The following PARD3B variants were observed in gnomAD, a reference collection of about 807,000 sequenced individuals.
PARD3B encodes par-3 family cell polarity regulator beta.
PARD3B carries 103 observed loss-of-function variants against 130.2 expected under a neutral mutation model. The observed-to-expected ratio is 0.79, with a 90% CI of 0.67 to 0.93. The LOEUF (loss-of-function observed/expected upper bound fraction) is 0.93. Among genes scored for constraint, PARD3B ranks in the 40% least tolerant of loss-of-function variants. The probability of loss-of-function intolerance (pLI) is 0.00; values close to 1 mark genes in which losing one functional copy is unlikely to be tolerated. For synonymous variants in PARD3B, 583 were observed against 553.2 expected (o/e 1.05, Z -0.76); for missense variants, 1,609 against 1,499.2 (o/e 1.07, Z -1.21).
At chr2:204,727,630 C>T (rs187382535) in intron 2 of PARD3B, among the ~76,000 whole-genome samples, 25 of 152,130 alleles carry the variant, frequency 1.6e-4, no homozygotes, top group Non-Finnish European at 2.6e-4. Context: ...ACAGGCACTC[C>T]GAGGGAGAGG....
rs2125227208 is a variant in PARD3B at position 204,678,687 on chromosome 2, GC to G, written c.121-7492del. On this transcript the variant is annotated intron_variant, in intron 1 of 22. Coordinates refer to ENST00000406610, the MANE Select transcript of PARD3B (RefSeq NM_001302769.2). This position sits in a 1 kb window ranked among gnomAD's most constrained non-coding sequence, Gnocchi z 4.2. ...CAGTTGCTTCTCCTCTCGATGTTCA[GC>G]CGCTTGTCTCTCTGCCAGCTGAGCT... 6.6e-6 allele frequency among the ~76,000 whole-genome samples: 1 copy of G among 152,174 alleles called. No individual in the cohort carries two copies. The highest frequency in any genetic ancestry group is 2.1e-4 in the South Asian group (1 of 4,798).
intron 3 of PARD3B, among the ~76,000 whole-genome samples, chr2:204,987,329 A>C (rs1386243001): frequency 1.3e-5 from 2 of 152,232 alleles, no homozygotes; most frequent in Non-Finnish European, 2.9e-5. Context: ...ATTTTGGAAG[A>C]TATTTTATCT....
chr2:205,447,267 C>T (rs2047937044), intron 20 of PARD3B, among the ~76,000 whole-genome samples: 1 of 151,268 alleles, frequency 6.6e-6, no homozygotes, highest in Admixed American at 6.5e-5. Context: ...CAGCTTCAGG[C>T]TTCAGGGTGG....
intron 10 of PARD3B, among the ~76,000 whole-genome samples, chr2:205,129,307 G>A (rs1270113219): frequency 6.6e-6 from 1 of 152,194 alleles, no homozygotes; most frequent in Non-Finnish European, 1.5e-5. Context: ...AATGCCAAGA[G>A]GCAAGAACCT....
chr2:204,549,954 G>T (rs1222615162), intron 1 of PARD3B, among the ~76,000 whole-genome samples: 1 of 151,756 alleles, frequency 6.6e-6, no homozygotes. Context: ...TAAAAGCATG[G>T]AATTTGTTAG....
At chr2:205,267,444 G>C (rs967022180) in intron 16 of PARD3B, among the ~76,000 whole-genome samples, 1 of 152,156 alleles carries the variant, frequency 6.6e-6, no homozygotes, top group Admixed American at 6.6e-5. Flanking sequence ...ACAGACAATA[G>C]GGCAACAGGG....
rs199962716 is a variant in PARD3B, at chr2:205,127,732, G to GA, written c.1434+2002dup. Reference sequence around the variant, plus strand: ...ATCTGTAACAAAATAGGGAAAATAAGAAAAAAAGAGTGATCTGAGTCATGC... The same window carrying GA: ...ATCTGTAACAAAATAGGGAAAATAAGAAAAAAAAGAGTGATCTGAGTCATGC... On this transcript the variant is annotated intron_variant, in intron 10 of 22. Coordinates refer to ENST00000406610, the MANE Select transcript of PARD3B (RefSeq NM_001302769.2). Among the ~76,000 whole-genome samples, 162 of 152,008 alleles carry GA rather than the reference G, an allele frequency of 1.1e-3. 1 individual carries two copies. In the East Asian group the frequency reaches 0.029, roughly 27 times the overall value.
intron 4 of PARD3B, among the ~76,000 whole-genome samples, chr2:205,054,430 A>AT (rs1273061019): frequency 1.1e-3 from 40 of 37,694 alleles, no homozygotes; most frequent in African/African-American, 2.8e-3. Flanking sequence ...ATATATATAT[A>AT]TATATATTTT....
chr2:204,556,554 A>T (rs111759306), intron 1 of PARD3B, among the ~76,000 whole-genome samples: 2 of 152,304 alleles, frequency 1.3e-5, no homozygotes, highest in East Asian at 3.9e-4. Flanking sequence ...GAAAAGTGAG[A>T]TAAGACATTC....
chr2:204,823,211 G>C (rs1055082111), intron 2 of PARD3B, among the ~76,000 whole-genome samples: 6 of 152,058 alleles, frequency 3.9e-5, no homozygotes, highest in Non-Finnish European at 5.9e-5. Flanking sequence ...GAAAAAGGGT[G>C]TGTGTTATGG....
chr2:204,581,981 G>A (rs933337152), intron 1 of PARD3B, among the ~76,000 whole-genome samples: 7 of 152,096 alleles, frequency 4.6e-5, no homozygotes, highest in Non-Finnish European at 8.8e-5. Context: ...TAAGGTTGCC[G>A]TGACTTTTAA....
At chr2:205,052,423 A>ATATATATATATATATATATATATATATG (rs1699266610) in intron 4 of PARD3B, among the ~76,000 whole-genome samples, 2 of 13,408 alleles carry the variant, frequency 1.5e-4, no homozygotes, top group Non-Finnish European at 3.3e-4. Context: ...ATATATGTAT[A>ATATATATATATATATATATATATATATG]TATATATATA....
intron 3 of PARD3B, among the ~76,000 whole-genome samples, chr2:204,994,057 G>C (rs1269629887): frequency 6.7e-6 from 1 of 149,662 alleles, no homozygotes; most frequent in African/African-American, 2.4e-5. Flanking sequence ...TTTTTTGAAG[G>C]GTTTTTTGTG....
chr2:204,856,817 G>T (rs961734189), intron 2 of PARD3B, among the ~76,000 whole-genome samples: 5 of 152,036 alleles, frequency 3.3e-5, no homozygotes, highest in African/African-American at 1.2e-4. Context: ...TTTGGCACCT[G>T]TGTGTCATAA....
intron 1 of PARD3B, among the ~76,000 whole-genome samples, chr2:204,658,639 C>T (rs1301262011): frequency 6.6e-6 from 1 of 151,930 alleles, no homozygotes; most frequent in African/African-American, 2.4e-5. Flanking sequence ...TTTTCTTTTC[C>T]AAACCTTGTA....
intron 8 of PARD3B, among the ~76,000 whole-genome samples, chr2:205,123,595 G>A (rs1257998131): frequency 2.7e-5 from 4 of 149,052 alleles, no homozygotes; most frequent in South Asian, 4.3e-4. Context: ...TGGATGTGAT[G>A]TGATCAAAGA....
intron 3 of PARD3B, among the ~76,000 whole-genome samples, chr2:205,024,162 CTTTTTTTTTTTT>C (rs1172893472): frequency 1.0e-5 from 1 of 98,744 alleles, no homozygotes; most frequent in Non-Finnish European, 2.0e-5. Context: ...TTCTTTCTTT[CTTTTTTTTTTTT>C]TTTTTTTTTT....
intron 21 of PARD3B, among the ~76,000 whole-genome samples, chr2:205,518,692 A>C (rs940315327): frequency 4.6e-5 from 7 of 152,054 alleles, no homozygotes; most frequent in Non-Finnish European, 7.4e-5. Context: ...TGTATGTTTA[A>C]GTGTGTTTTT....
intron 18 of PARD3B, among the ~76,000 whole-genome samples, chr2:205,332,161 T>C (rs980850864): frequency 6.6e-6 from 1 of 152,136 alleles, no homozygotes; most frequent in African/African-American, 2.4e-5. Context: ...TAAAAGATAG[T>C]ATTTTCTGTG....
Sources: gnomAD v4.1 joint callset for allele counts (sites outside exome capture counted in the v4.1 genomes callset) on GRCh38, gnomAD v4.1.1 for gene constraint, Gnocchi (gnomAD v3.1) non-coding constraint, MANE v1.5 for transcripts, NCBI Gene and HGNC (gene_info 2026-07-23, HGNC 2026-07-21) for gene names.